Variants in PPP2CB observed in about 807,000 individuals in gnomAD.
The protein encoded by PPP2CB is protein phosphatase 2 catalytic subunit beta, also known as serine/threonine-protein phosphatase 2A catalytic subunit beta isoform.
PPP2CB carries 18 observed loss-of-function variants against 39.1 expected under a neutral mutation model. That is an observed-to-expected ratio of 0.46 (90% confidence interval 0.32 to 0.68). PPP2CB has a LOEUF of 0.68. Among genes scored for constraint, PPP2CB ranks in the 30% least tolerant of loss-of-function variants. PPP2CB has a pLI of 0.04. For missense variants in PPP2CB, 226 were observed against 396.9 expected (o/e 0.57, Z 3.66); for synonymous variants, 129 against 133.8 (o/e 0.96, Z 0.25).
At position 30,812,741 on chromosome 8, in the gene PPP2CB, G is replaced by A. The variant is rs1180974910; in HGVS notation, c.-320C>T. On this transcript the variant is annotated 5_prime_UTR_variant, in exon 1 of 7. Coordinates refer to ENST00000221138, the MANE Select transcript of PPP2CB (RefSeq NM_001009552.2). ...GCGGGTCCTCGGCCTAGCTCTCGCC[G>A]GACGAAGGCCGCCCGCTGCCGCTTC... 4 of 475,264 alleles carry A rather than the reference G, an allele frequency of 8.4e-6. No individual in the cohort carries two copies. The highest frequency in any genetic ancestry group is 4.0e-5 in the African/African-American group (2 of 50,522). 29.4% of individuals were successfully genotyped at this position (475,264 alleles called of 1,614,324 possible). A position where few individuals can be genotyped will look rare whatever the true frequency, so the allele number is the denominator to read the frequency against.
intron 6 of PPP2CB, 62 bp downstream of exon 6, chr8:30,791,135 A>T: frequency 8.6e-7 from 1 of 1,158,730 alleles, no homozygotes; most frequent in South Asian, 1.5e-5. Flanking sequence ...GAAATCTTCT[A>T]TTTTTAACAT....
intron 1 of PPP2CB, among the ~76,000 whole-genome samples, chr8:30,805,239 A>G (rs1318473370): frequency 6.6e-6 from 1 of 152,216 alleles, no homozygotes; most frequent in African/African-American, 2.4e-5. Flanking sequence ...TTTTAAACGA[A>G]GATGAAAATT....
At chr8:30,796,598 A>G (rs1003834444) in intron 3 of PPP2CB, among the ~76,000 whole-genome samples, 1 of 152,140 alleles carries the variant, frequency 6.6e-6, no homozygotes, top group African/African-American at 2.4e-5. Context: ...CATGTTGGCC[A>G]GGCTGGTCTC....
chr8:30,802,385 T>C (rs1470176011), intron 1 of PPP2CB, among the ~76,000 whole-genome samples: 1 of 152,154 alleles, frequency 6.6e-6, no homozygotes, highest in African/African-American at 2.4e-5. Flanking sequence ...GAGGAGATTA[T>C]ATACAGAAAC....
intron 5 of PPP2CB, chr8:30,792,990 ATGT>A (rs1482164286): frequency 1.3e-5 from 2 of 152,076 alleles, no homozygotes; most frequent in Non-Finnish European, 2.9e-5. Context: ...TGCAGGGATT[ATGT>A]TGTTTATGTT....
Position 30,801,057 on chromosome 8 carries a change from A to G in PPP2CB, c.103-1302T>C, listed in dbSNP as rs1042650999. Among the ~76,000 whole-genome samples, 7 of 151,600 alleles carry G rather than the reference A, an allele frequency of 4.6e-5. 1 individual carries two copies. Among genetic ancestry groups the G allele is most frequent in the Non-Finnish European group, 1.0e-4 (7 of 67,924 alleles). On this transcript the variant is annotated intron_variant, in intron 1 of 6. Coordinates refer to ENST00000221138, the MANE Select transcript of PPP2CB (RefSeq NM_001009552.2). ...CCTCTGGTCTCTATAAAAAATTTAAAAAATAGCTGGGCATGGTGGTGTGTG... is the reference window on the plus strand; with the variant it reads ...CCTCTGGTCTCTATAAAAAATTTAAGAAATAGCTGGGCATGGTGGTGTGTG...
At chr8:30,801,691 T>G (rs1806630746) in intron 1 of PPP2CB, among the ~76,000 whole-genome samples, 1 of 152,128 alleles carries the variant, frequency 6.6e-6, no homozygotes, top group South Asian at 2.1e-4. Context: ...GGATTTTGAG[T>G]TTCACTGTAT....
chr8:30,798,932 CAG>C (rs1806570896), intron 2 of PPP2CB, among the ~76,000 whole-genome samples: 3 of 152,146 alleles, frequency 2.0e-5, no homozygotes. Flanking sequence ...TGGAAATAAA[CAG>C]AGTCCAGAGC....
Position 30,799,663 on chromosome 8 carries a change from A to G in PPP2CB, c.195T>C (p.Leu65=). ...TTCCACCAATTCTAAAGAGTTCCATAAGATCATGAAATTGACCATGCACAT... is the reference window on the plus strand; with the variant it reads ...TTCCACCAATTCTAAAGAGTTCCATGAGATCATGAAATTGACCATGCACAT... ...CGDVHGQFHD[L]MELFRIGGKS... Residue 65 remains leucine, a synonymous_variant, in exon 2 of 7, where the codon CTT becomes CTC. Coordinates refer to ENST00000221138, the MANE Select transcript of PPP2CB (RefSeq NM_001009552.2). The G allele has an allele frequency of 6.2e-7, 1 of 1,614,056 alleles. No individual in the cohort carries two copies. Among genetic ancestry groups the G allele is most frequent in the Non-Finnish European group, 8.5e-7 (1 of 1,179,880 alleles).
intron 1 of PPP2CB, among the ~76,000 whole-genome samples, chr8:30,809,154 T>C (rs939407806): frequency 1.3e-5 from 2 of 151,786 alleles, no homozygotes; most frequent in Non-Finnish European, 2.9e-5. Context: ...CCTCAAGTGA[T>C]CTACCTGCAT....
chr8:30,811,076 G>C (rs548882934), intron 1 of PPP2CB, among the ~76,000 whole-genome samples: 31 of 152,192 alleles, frequency 2.0e-4, no homozygotes, highest in Admixed American at 3.9e-4. Context: ...TGTAAAGGAT[G>C]AATGTGGACA....
At chr8:30,809,076 ATTTTTTT>A (rs777467309) in intron 1 of PPP2CB, among the ~76,000 whole-genome samples, 1 of 139,252 alleles carries the variant, frequency 7.2e-6, no homozygotes, top group Non-Finnish European at 1.6e-5. Flanking sequence ...CGCCCAGCTA[ATTTTTTT>A]TTTTTTTTTT....
At chr8:30,803,784 G>A (rs58480801) in intron 1 of PPP2CB, among the ~76,000 whole-genome samples, 1 of 59,954 alleles carries the variant, frequency 1.7e-5, no homozygotes, top group African/African-American at 4.7e-4. Flanking sequence ...GCTAACTTTT[G>A]GAGAATTTAT....
At position 30,804,892 on chromosome 8, in the gene PPP2CB, TA is replaced by T. The variant is rs527245672; in HGVS notation, c.103-5138del. Reference sequence around the variant, plus strand: ...GGAAGGTTTTCTATGACCACCCTATTAAAAAAAAAAGAGTCTCTTGAATTCA... The same window carrying T: ...GGAAGGTTTTCTATGACCACCCTATTAAAAAAAAAGAGTCTCTTGAATTCA... On this transcript the variant is annotated intron_variant, in intron 1 of 6. Coordinates refer to ENST00000221138, the MANE Select transcript of PPP2CB (RefSeq NM_001009552.2). Among the ~76,000 whole-genome samples, 1,110 of 148,278 alleles carry T rather than the reference TA, an allele frequency of 7.5e-3. 6 individuals are homozygous for T. Among genetic ancestry groups the T allele is most frequent in the Non-Finnish European group, 0.012 (781 of 66,718 alleles).
intron 3 of PPP2CB, among the ~76,000 whole-genome samples, chr8:30,795,606 C>T (rs990774271): frequency 2.0e-5 from 3 of 152,124 alleles, no homozygotes; most frequent in Non-Finnish European, 4.4e-5. Context: ...ACTAGGCATA[C>T]GGTGTGAGTT....
chr8:30,810,192 C>T (rs151200569), intron 1 of PPP2CB: 1 of 152,306 alleles, frequency 6.6e-6, no homozygotes, highest in South Asian at 2.1e-4. Context: ...GCACGAGGCT[C>T]GCGCCTGTAA....
At chr8:30,806,420 G>C (rs570724672) in intron 1 of PPP2CB, among the ~76,000 whole-genome samples, 2 of 152,078 alleles carry the variant, frequency 1.3e-5, no homozygotes, top group East Asian at 3.9e-4. Flanking sequence ...GATCACATTT[G>C]GTCATTAAGG....
At position 30,812,447 on chromosome 8, in the gene PPP2CB, C is replaced by A; in HGVS notation, c.-26G>T. Reference sequence around the variant, plus strand: ...GGCGGCCCGATCCCGATGCGGATCCCGAGCCCCAGCCCGGCCGCCGCCCTC... The same window carrying A: ...GGCGGCCCGATCCCGATGCGGATCCAGAGCCCCAGCCCGGCCGCCGCCCTC... On this transcript the variant is annotated 5_prime_UTR_variant, in exon 1 of 7. Coordinates refer to ENST00000221138, the MANE Select transcript of PPP2CB (RefSeq NM_001009552.2). 1 of 1,483,136 alleles carries A rather than the reference C, an allele frequency of 6.7e-7. No homozygotes were observed. The highest frequency in any genetic ancestry group is 9.0e-7 in the Non-Finnish European group (1 of 1,111,124). 91.9% of individuals were successfully genotyped at this position (1,483,136 alleles called of 1,614,324 possible). A position where few individuals can be genotyped will look rare whatever the true frequency, so the allele number is the denominator to read the frequency against.
At chr8:30,808,159 G>A (rs1198297936) in intron 1 of PPP2CB, among the ~76,000 whole-genome samples, 1 of 152,096 alleles carries the variant, frequency 6.6e-6, no homozygotes, top group East Asian at 1.9e-4. Context: ...GGAATGCAGT[G>A]GCGATCTCGG....
Sources: gnomAD v4.1 joint callset for allele counts (sites outside exome capture counted in the v4.1 genomes callset) on GRCh38, gnomAD v4.1.1 for gene constraint, MANE v1.5 for transcripts, NCBI Gene and HGNC (gene_info 2026-07-23, HGNC 2026-07-21) for gene names.